SLA: variants seen among roughly 807,000 people sequenced by gnomAD.
SLA encodes src-like-adapter.
In SLA, 16 loss-of-function variants were observed where a neutral mutation model predicts 30.3. That is an observed-to-expected ratio of 0.53 (90% CI 0.36 to 0.80). The LOEUF (loss-of-function observed/expected upper bound fraction) is 0.80. Ranked by LOEUF, SLA falls within the 30% of genes least tolerant of loss-of-function variation. The pLI is 0.01. For synonymous variants in SLA, 143 were observed against 137.8 expected (o/e 1.04, Z -0.26); for missense variants, 310 against 345.2 (o/e 0.90, Z 0.81).
chr8:133,085,269 G>A (rs140574160), intron 1 of SLA, among the ~76,000 whole-genome samples: 2 of 152,238 alleles, frequency 1.3e-5, no homozygotes, highest in East Asian at 3.9e-4. Flanking sequence ...AGAATGCAAG[G>A]CAGAACTCGT....
At chr8:133,085,899 T>A (rs778063420) in intron 1 of SLA, among the ~76,000 whole-genome samples, 1 of 152,162 alleles carries the variant, frequency 6.6e-6, no homozygotes, top group African/African-American at 2.4e-5. Context: ...AAAACATGCA[T>A]CCCTATAAGA....
intron 3 of SLA, among the ~76,000 whole-genome samples, chr8:133,055,874 G>A (rs1370118234): frequency 6.7e-6 from 1 of 149,974 alleles, no homozygotes; most frequent in East Asian, 2.0e-4. Context: ...CAGCAGCAGG[G>A]CGCACAGCTC....
At chr8:133,064,994 T>C (rs1205788545) in intron 2 of SLA, among the ~76,000 whole-genome samples, 2 of 152,188 alleles carry the variant, frequency 1.3e-5, no homozygotes, top group African/African-American at 4.8e-5. Context: ...TTAGAATTAA[T>C]TTGAAAACAT....
chr8:133,094,794 C>A (rs1181545492), intron 1 of SLA: 1 of 575,700 alleles, frequency 1.7e-6, no homozygotes, highest in Non-Finnish European at 3.1e-6. Flanking sequence ...ACTGAAGGTT[C>A]CCTTGTGCAG....
At chr8:133,051,126 C>A (rs2252706) in intron 3 of SLA, among the ~76,000 whole-genome samples, 1 of 152,178 alleles carries the variant, frequency 6.6e-6, no homozygotes, top group South Asian at 2.1e-4. Context: ...TGACATGCTC[C>A]TATTCTTAAG....
In SLA at chr8:133,050,895, C is replaced by A. The variant is rs751681022; in HGVS notation, c.82G>T (p.Ala28Ser). 2 of 1,613,130 alleles carry A rather than the reference C, an allele frequency of 1.2e-6. No homozygotes were observed. The highest frequency in any genetic ancestry group is 8.5e-7 in the Non-Finnish European group (1 of 1,179,292). Residue 28 changes from alanine to serine, a missense_variant, in exon 4 of 9, where the codon GCC becomes TCC. Ala to Ser is a moderately conservative substitution (Grantham distance 99). Coordinates refer to ENST00000338087, the MANE Select transcript of SLA (RefSeq NM_001045556.3). ...NPEGLDSDFL[A>S]VLSDYPSPDI... is the part of the protein sequence containing the mutation. ...GGAGACGGGTAGTCACTTAGCACGG[C>A]AAGGAAGTCGCTATCCAGTCCTGGG... is the stretch of plus-strand genomic sequence containing the variant.
Position 133,038,551 on chromosome 8 carries a change from G to A in SLA, c.804C>T (p.Phe268=), listed in dbSNP as rs1364338904. 6.2e-7 allele frequency: 1 copy of A among 1,613,652 alleles called. No homozygotes were observed. Among genetic ancestry groups the A allele is most frequent in the Non-Finnish European group, 8.5e-7 (1 of 1,179,532 alleles). The part of the protein sequence containing the change: ...YGGSKRKSSF[F]SSPPYFED ...AGTCCTCAAAGTAAGGTGGTGATGA[G>A]AAGAATGAGCTCTTTCTCTTGCTGC... is the stretch of plus-strand genomic sequence containing the variant. The change falls in exon 9 of 9, where the codon TTC becomes TTT. Residue 268 remains phenylalanine, a synonymous_variant. Transcript: ENST00000338087.
At chr8:133,093,866 G>A (rs970425015) in intron 1 of SLA, among the ~76,000 whole-genome samples, 2 of 152,216 alleles carry the variant, frequency 1.3e-5, no homozygotes, top group South Asian at 2.1e-4. Flanking sequence ...AAGAGCAACC[G>A]ACTTATACAA....
intron 3 of SLA, among the ~76,000 whole-genome samples, chr8:133,056,623 A>G (rs1255912020): frequency 1.3e-5 from 2 of 152,250 alleles, no homozygotes; most frequent in Non-Finnish European, 2.9e-5. Context: ...AGCTTCTTGT[A>G]CCTCAGATTC....
rs778420504 is a variant in SLA at position 133,038,288 on chromosome 8, G to A, written c.*236C>T. On this transcript the variant is annotated 3_prime_UTR_variant, in exon 9 of 9. Coordinates refer to ENST00000338087, the MANE Select transcript of SLA (RefSeq NM_001045556.3). ...TGCTGGGCTCTTCCAAGCATCGCCC[G>A]ACATGTCATGATCCAATGTTTCGTG... 3.6e-5 allele frequency: 20 copies of A among 561,438 alleles called. No homozygotes were observed. Among genetic ancestry groups the A allele is most frequent in the African/African-American group, 2.3e-4 (12 of 53,108 alleles). 34.8% of individuals were successfully genotyped at this position (561,438 alleles called of 1,614,324 possible).
intron 3 of SLA, among the ~76,000 whole-genome samples, chr8:133,052,970 GC>G (rs201116082): frequency 0.018 from 2,672 of 152,238 alleles, 38 homozygotes; most frequent in Non-Finnish European, 0.028. Flanking sequence ...TGGACTAATG[GC>G]CCCCACATAT....
intron 1 of SLA, among the ~76,000 whole-genome samples, chr8:133,100,196 T>C (rs1011172702): frequency 2.0e-5 from 3 of 152,206 alleles, no homozygotes; most frequent in African/African-American, 7.2e-5. Context: ...TTTTTTCTTC[T>C]GGAATGTTCT....
chr8:133,081,594 A>T (rs1321805801), intron 1 of SLA, among the ~76,000 whole-genome samples: 2 of 151,920 alleles, frequency 1.3e-5, no homozygotes, highest in Non-Finnish European at 2.9e-5. Context: ...AGAAGAAAAA[A>T]AAAGTAGCCG....
rs1564145474 is a variant in SLA at position 133,067,881 on chromosome 8, AG to A, written c.-41+6971del. On this transcript the variant is annotated intron_variant, in intron 2 of 8. Transcript: ENST00000338087. ...AAGAAAGAAAGAAAGGAAGGAAGGA[AG>A]GAAGTATGTATGGAAGGAAGGAAGG... 2.0e-3 allele frequency among the ~76,000 whole-genome samples: 46 copies of A among 22,834 alleles called. 1 individual carries two copies. Among genetic ancestry groups the A allele is most frequent in the Middle Eastern group, 0.034 (2 of 58 alleles). The allele number at this position is 22,834 out of a possible 152,430, so 15.0% of individuals were successfully genotyped here.
chr8:133,068,943 G>A (rs537871390), intron 2 of SLA, among the ~76,000 whole-genome samples: 19 of 152,384 alleles, frequency 1.2e-4, no homozygotes, highest in Non-Finnish European at 2.9e-5. Flanking sequence ...CCTAGGCCAG[G>A]TCCTGGATAC....
At chr8:133,071,488 T>C (rs1844024234) in intron 2 of SLA, among the ~76,000 whole-genome samples, 1 of 152,192 alleles carries the variant, frequency 6.6e-6, no homozygotes, top group Admixed American at 6.5e-5. Flanking sequence ...AGGGTTATGC[T>C]TGTCATAGTT....
intron 1 of SLA, among the ~76,000 whole-genome samples, chr8:133,082,153 G>T (rs1199245391): frequency 1.3e-5 from 2 of 152,084 alleles, no homozygotes; most frequent in African/African-American, 4.8e-5. Flanking sequence ...GGTGGTGTTG[G>T]GTGTTGTCAG....
At chr8:133,079,165 C>T (rs1021523132) in intron 1 of SLA, among the ~76,000 whole-genome samples, 1 of 152,160 alleles carries the variant, frequency 6.6e-6, no homozygotes, top group African/African-American at 2.4e-5. Flanking sequence ...GGAGTCAGGC[C>T]AGGCTCTGCT....
intron 2 of SLA, among the ~76,000 whole-genome samples, chr8:133,074,652 C>T (rs1844591707): frequency 6.6e-6 from 1 of 152,202 alleles, no homozygotes; most frequent in South Asian, 2.1e-4. Context: ...CTTCTCTCCA[C>T]AGAATTATGC....
Sources: allele counts gnomAD v4.1 joint callset (sites outside exome capture counted in the v4.1 genomes callset), GRCh38; gene constraint gnomAD v4.1.1; transcripts MANE v1.5; gene names NCBI Gene and HGNC (gene_info 2026-07-23, HGNC 2026-07-21).